NXPE2: variants seen among roughly 807,000 people sequenced by gnomAD.
NXPE2 encodes NXPE family member 2.
Under a neutral mutation model 34.4 loss-of-function variants are expected in NXPE2, and 34 were observed. That is an observed-to-expected ratio of 0.99 (90% CI 0.75 to 1.31). NXPE2 has a LOEUF of 1.31. Among genes scored for constraint, NXPE2 ranks in the 40% most tolerant of loss-of-function variants. The pLI is 0.00. For missense variants in NXPE2, 649 were observed against 672.5 expected, an observed-to-expected ratio of 0.97 and a Z score of 0.39; for synonymous variants, 235 against 231.3, an observed-to-expected ratio of 1.02 and a Z score of -0.15.
the NXPE2 span, among the ~76,000 whole-genome samples, chr11:114,639,449 G>A: frequency 1.3e-5 from 2 of 151,548 alleles, no homozygotes; most frequent in African/African-American, 4.8e-5. Flanking sequence ...CTCTGCTTCG[G>A]CTCATGCACG....
chr11:114,633,426 ATATAG>A, the NXPE2 span, among the ~76,000 whole-genome samples: 1 of 145,996 alleles, frequency 6.8e-6, no homozygotes, highest in Non-Finnish European at 1.5e-5. Context: ...GTTATATACA[ATATAG>A]TATAGTATAC....
chr11:114,791,802 A>G, the NXPE2 span, among the ~76,000 whole-genome samples: 20,993 of 152,234 alleles, frequency 0.14, 1,538 homozygotes, highest in Admixed American at 0.2. Context: ...CACGCCTGTA[A>G]TCCCAGCACT....
At chr11:114,639,580 G>T in the NXPE2 span, among the ~76,000 whole-genome samples, 1 of 150,174 alleles carries the variant, frequency 6.7e-6, no homozygotes, top group Non-Finnish European at 1.5e-5. Flanking sequence ...GGGAGCTGTA[G>T]ACTGGAGCTG....
chr11:114,730,288 T>G, the NXPE2 span, among the ~76,000 whole-genome samples: 2 of 152,168 alleles, frequency 1.3e-5, no homozygotes, highest in Non-Finnish European at 2.9e-5. Context: ...AGTACCATGT[T>G]GTTTTGGTTA....
At chr11:114,783,483 C>T in the NXPE2 span, among the ~76,000 whole-genome samples, 1 of 152,188 alleles carries the variant, frequency 6.6e-6, no homozygotes, top group Non-Finnish European at 1.5e-5. Flanking sequence ...AGAGCCATTA[C>T]AACCCTTCTC....
chr11:114,582,750 A>T, the NXPE2 span: 8 of 1,613,752 alleles, frequency 5.0e-6, no homozygotes, highest in Non-Finnish European at 6.8e-6. Flanking sequence ...GTGGTCCCTC[A>T]CCTCCAGCAG....
Position 114,698,261 on chromosome 11 carries a change from C to T in NXPE2, c.349C>T (p.Leu117Phe), listed in dbSNP as rs765994360. The change falls in exon 3 of 6, where the codon CTC becomes TTC. Residue 117 changes from leucine (L) to phenylalanine (F), a missense_variant. Coordinates refer to ENST00000389586, the MANE Select transcript of NXPE2 (RefSeq NM_182495.6). The part of the protein sequence containing the change: ...TSATHSTATI[L>F]NPQDTYCRGD... ...TGCCACACACAGCACAGCCACCATC[C>T]TCAACCCTCAAGATACGTACTGCAG... The T allele has an allele frequency of 6.2e-7, 1 of 1,613,120 alleles. No individual in the cohort carries two copies. Among genetic ancestry groups the T allele is most frequent in the African/African-American group, 1.3e-5 (1 of 74,914 alleles).
the NXPE2 span, among the ~76,000 whole-genome samples, chr11:114,486,611 T>C: frequency 6.6e-6 from 1 of 152,208 alleles, no homozygotes; most frequent in Admixed American, 6.5e-5. Flanking sequence ...TGTTTTCTTC[T>C]AGTAGTTTCA....
the NXPE2 span, among the ~76,000 whole-genome samples, chr11:114,495,486 G>A: frequency 6.6e-6 from 1 of 151,650 alleles, no homozygotes; most frequent in Non-Finnish European, 1.5e-5. Context: ...TACCCCAGGA[G>A]CCCACTTGGT....
chr11:114,510,622 T>C, the NXPE2 span, among the ~76,000 whole-genome samples: 1 of 152,224 alleles, frequency 6.6e-6, no homozygotes, highest in African/African-American at 2.4e-5. Context: ...AGTCCCATGT[T>C]GATAGCTGAT....
At chr11:114,597,563 C>A in the NXPE2 span, among the ~76,000 whole-genome samples, 1 of 152,124 alleles carries the variant, frequency 6.6e-6, no homozygotes, top group African/African-American at 2.4e-5. Context: ...TATTTTCAAG[C>A]TCTGTCCATA....
chr11:114,761,862 C>A, the NXPE2 span, among the ~76,000 whole-genome samples: 2 of 152,000 alleles, frequency 1.3e-5, no homozygotes, highest in Non-Finnish European at 2.9e-5. Context: ...GCGTGAGCCA[C>A]CGCGCCCGGC....
the NXPE2 span, among the ~76,000 whole-genome samples, chr11:114,534,256 A>G: frequency 1.3e-5 from 2 of 152,230 alleles, no homozygotes; most frequent in African/African-American, 4.8e-5. Flanking sequence ...AACAAACAGA[A>G]AGGACATCCA....
At chr11:114,530,023 A>G in the NXPE2 span, 3 of 720,988 alleles carry the variant, frequency 4.2e-6, no homozygotes, top group Non-Finnish European at 6.8e-6. Context: ...TTTGGCCTAG[A>G]GTGGTGAGTA....
chr11:114,651,796 C>T, the NXPE2 span, among the ~76,000 whole-genome samples: 1 of 152,184 alleles, frequency 6.6e-6, no homozygotes, highest in Non-Finnish European at 1.5e-5. Context: ...TTTAGCTAGA[C>T]ACAGAGTGCT....
At chr11:114,788,550 T>A in the NXPE2 span, among the ~76,000 whole-genome samples, 1 of 152,190 alleles carries the variant, frequency 6.6e-6, no homozygotes, top group Non-Finnish European at 1.5e-5. Context: ...CCTAAAGATA[T>A]GGATGAGGAT....
chr11:114,767,924 C>T, the NXPE2 span, among the ~76,000 whole-genome samples: 1 of 152,098 alleles, frequency 6.6e-6, no homozygotes, highest in African/African-American at 2.4e-5. Flanking sequence ...ATCTGACGGG[C>T]TGTGAATAAT....
the NXPE2 span, among the ~76,000 whole-genome samples, chr11:114,596,359 C>A: frequency 6.6e-6 from 1 of 152,168 alleles, no homozygotes; most frequent in Non-Finnish European, 1.5e-5. Flanking sequence ...GCACCAGTGC[C>A]CACAGGAAGC....
chr11:114,479,751 G>T, the NXPE2 span, among the ~76,000 whole-genome samples: 9 of 152,172 alleles, frequency 5.9e-5, no homozygotes, highest in Non-Finnish European at 1.2e-4. Flanking sequence ...GAGGGCAATG[G>T]ATGAGACCCC....
Sources: gnomAD v4.1 joint callset for allele counts (sites outside exome capture counted in the v4.1 genomes callset) on GRCh38, gnomAD v4.1.1 for gene constraint, MANE v1.5 for transcripts, NCBI Gene and HGNC (gene_info 2026-07-23, HGNC 2026-07-21) for gene names.